The following KCNQ1 variants were observed in gnomAD, a reference collection of about 807,000 sequenced individuals.
KCNQ1 encodes potassium voltage-gated channel subfamily Q member 1, also known as potassium voltage-gated channel subfamily KQT member 1.
In KCNQ1, 49 loss-of-function variants were observed where a neutral mutation model predicts 72.4. That is an observed-to-expected ratio of 0.68 (90% confidence interval 0.54 to 0.86). KCNQ1 has a LOEUF of 0.86. Ranked by LOEUF, KCNQ1 falls within the 40% of genes least tolerant of loss-of-function variation. The pLI, the probability that KCNQ1 is intolerant of heterozygous loss-of-function variation, is 0.00. For synonymous variants in KCNQ1, 450 were observed against 412.6 expected, an observed-to-expected ratio of 1.09 and a Z score of -1.10; for missense variants, 790 against 945.1, an observed-to-expected ratio of 0.84 and a Z score of 2.15.
Position 2,813,356 on chromosome 11 carries a change from T to G in KCNQ1, c.1795-34411T>G, listed in dbSNP as rs1847532166. Among the ~76,000 whole-genome samples the G allele has an allele frequency of 6.6e-6, 1 of 152,190 alleles. No homozygotes were observed. The highest frequency in any genetic ancestry group is 1.5e-5 in the Non-Finnish European group (1 of 68,044). ...CTCATGCACCTCCATTCAGGGAACC[T>G]GGGCTCCCCACTCTCACAGGGGTGG... On this transcript the variant is annotated intron_variant, in intron 15 of 15. Transcript: ENST00000155840. This position sits in a 1 kb window ranked among gnomAD's most constrained non-coding sequence, Gnocchi z 4.4.
intron 6 of KCNQ1, among the ~76,000 whole-genome samples, chr11:2,577,028 G>A (rs1848432818): frequency 6.6e-6 from 1 of 152,220 alleles, no homozygotes; most frequent in South Asian, 2.1e-4. Context: ...GTCTCCCAGG[G>A]CCAATGCAGG....
In KCNQ1 at chr11:2,826,413, G is replaced by A. The variant is rs947064737; in HGVS notation, c.1795-21354G>A. Among the ~76,000 whole-genome samples, 10 of 152,244 alleles carry A rather than the reference G, an allele frequency of 6.6e-5. No individual in the cohort carries two copies. Among genetic ancestry groups the A allele is most frequent in the East Asian group, 1.9e-4 (1 of 5,196 alleles). On this transcript the variant is annotated intron_variant, in intron 15 of 15. Coordinates refer to ENST00000155840, the MANE Select transcript of KCNQ1 (RefSeq NM_000218.3). The surrounding 1 kb of genome is among the most constrained non-coding windows in gnomAD (Gnocchi z 4.2). ...GAACCCGCGGCCAGGCCCAGCAGCC[G>A]CCTCTTGGCAGCGCTGATGGAAACC...
rs1396177998 is a variant in KCNQ1, at chr11:2,508,487, C to T, written c.387-19441C>T. Among the ~76,000 whole-genome samples the T allele has an allele frequency of 6.6e-6, 1 of 151,938 alleles. No homozygotes were observed. The highest frequency in any genetic ancestry group is 2.4e-5 in the African/African-American group (1 of 41,378). On this transcript the variant is annotated intron_variant, in intron 1 of 15. Transcript: ENST00000155840. This position sits in a 1 kb window ranked among gnomAD's most constrained non-coding sequence, Gnocchi z 6.2. ...GGAGTGTGGGTCCTGAGTGGAGTGT[C>T]CCATCTGTCATGCAGAGAGGGTGAT...
intron 1 of KCNQ1, among the ~76,000 whole-genome samples, chr11:2,527,090 G>A (rs565847018): frequency 5.3e-5 from 8 of 152,306 alleles, no homozygotes; most frequent in Non-Finnish European, 7.4e-5. Context: ...TTATGGTTCC[G>A]GCGATCAGAG....
At chr11:2,811,102 G>A (rs939573914) in intron 15 of KCNQ1, among the ~76,000 whole-genome samples, 4 of 152,176 alleles carry the variant, frequency 2.6e-5, no homozygotes, top group Non-Finnish European at 4.4e-5. Flanking sequence ...GGACCCTAGC[G>A]TCCCTTCACC....
chr11:2,692,387 C>T lies in KCNQ1; in HGVS notation c.1514+30306C>T, dbSNP rs2283192. ...ACTGGCATTCTCACATCCCCTGCCC[C>T]ATTCCAATCAATTATCTACTCAGTG... On this transcript the variant is annotated intron_variant, in intron 11 of 15. Coordinates refer to ENST00000155840, the MANE Select transcript of KCNQ1 (RefSeq NM_000218.3). The T allele has an allele frequency of 1.8e-3, 702 of 398,844 alleles. 12 individuals carry two copies. In the East Asian group the frequency reaches 0.024, roughly 14 times the overall value. The allele number at this position is 398,844 out of a possible 1,614,324, so 24.7% of individuals were successfully genotyped here.
rs1590000352 is a variant in KCNQ1, at chr11:2,642,931, C to T, written c.1394-19030C>T. 1 of 397,926 alleles carries T rather than the reference C, an allele frequency of 2.5e-6. No individual in the cohort carries two copies. Among genetic ancestry groups the T allele is most frequent in the Non-Finnish European group, 4.4e-6 (1 of 225,680 alleles). 24.6% of individuals were successfully genotyped at this position (397,926 alleles called of 1,614,324 possible). A position where few individuals can be genotyped will look rare whatever the true frequency, so the allele number is the denominator to read the frequency against. Reference sequence around the variant, plus strand: ...TTTCTTCTTTGACCCATTGGTCATTCAGGAACATGTTAATTTCCATTTATT... The same window carrying T: ...TTTCTTCTTTGACCCATTGGTCATTTAGGAACATGTTAATTTCCATTTATT... On this transcript the variant is annotated intron_variant, in intron 10 of 15. Coordinates refer to ENST00000155840, the MANE Select transcript of KCNQ1 (RefSeq NM_000218.3). The surrounding 1 kb of genome is among the most constrained non-coding windows in gnomAD (Gnocchi z 4.3).
chr11:2,607,181 G>A (rs1235563080), intron 10 of KCNQ1, among the ~76,000 whole-genome samples: 1 of 152,092 alleles, frequency 6.6e-6, no homozygotes, highest in Non-Finnish European at 1.5e-5. Flanking sequence ...GGGATTACAG[G>A]TGTGAACCAC....
rs1177011407 is a variant in KCNQ1, at chr11:2,471,163, G to T, written c.386+25679G>T. On this transcript the variant is annotated intron_variant, in intron 1 of 15. Coordinates refer to ENST00000155840, the MANE Select transcript of KCNQ1 (RefSeq NM_000218.3). The surrounding 1 kb of genome is among the most constrained non-coding windows in gnomAD (Gnocchi z 4.8). ...ATCTCCCAACGGCTGGGGAACAAGG[G>T]CTGACTCGGCTGCAATCATCCTGCA... 2.6e-5 allele frequency among the ~76,000 whole-genome samples: 4 copies of T among 151,982 alleles called. No individual in the cohort carries two copies. Among genetic ancestry groups the T allele is most frequent in the Admixed American group, 2.6e-4 (4 of 15,242 alleles).
At position 2,544,293 on chromosome 11, in the gene KCNQ1, T is replaced by TAC. The variant is rs796223106; in HGVS notation, c.477+16275_477+16276insAC. Among the ~76,000 whole-genome samples the TAC allele has an allele frequency of 7.3e-6, 1 of 136,540 alleles. No homozygotes were observed. The highest frequency in any genetic ancestry group is 3.2e-5 in the African/African-American group (1 of 31,662). The allele number at this position is 136,540 out of a possible 152,430, so 89.6% of individuals were successfully genotyped here. A position where few individuals can be genotyped will look rare whatever the true frequency, so the allele number is the denominator to read the frequency against. On this transcript the variant is annotated intron_variant, in intron 2 of 15. Coordinates refer to ENST00000155840, the MANE Select transcript of KCNQ1 (RefSeq NM_000218.3). This position sits in a 1 kb window ranked among gnomAD's most constrained non-coding sequence, Gnocchi z 4.4. ...GTGTATATATATGTGTATATATATA[T>TAC]GTATATATGTGTATATATGTATATA...
rs1229341008 is a variant in KCNQ1, at chr11:2,827,646, G to C, written c.1795-20121G>C. The stretch of plus-strand genomic sequence containing the variant: ...TTAAAAAAAAAAAGTGGGGTCGGGG[G>C]GGCGGGGGAGAGCGGCTATGGAGAC... On this transcript the variant is annotated intron_variant, in intron 15 of 15. Transcript: ENST00000155840. The surrounding 1 kb of genome is among the most constrained non-coding windows in gnomAD (Gnocchi z 6.7). 1.3e-5 allele frequency among the ~76,000 whole-genome samples: 2 copies of C among 151,854 alleles called. No homozygotes were observed. Among genetic ancestry groups the C allele is most frequent in the African/African-American group, 4.8e-5 (2 of 41,318 alleles).
Position 2,452,479 on chromosome 11 carries a change from G to T in KCNQ1, c.386+6995G>T, listed in dbSNP as rs532312450. ...GCAGAAGGAGCTCTGACTGAGAGGG[G>T]TAGACCCCTCCCAGAGGCATCCCCA... On this transcript the variant is annotated intron_variant, in intron 1 of 15. Coordinates refer to ENST00000155840, the MANE Select transcript of KCNQ1 (RefSeq NM_000218.3). Among the ~76,000 whole-genome samples the T allele has an allele frequency of 1.2e-4, 18 of 152,214 alleles. 1 individual carries two copies. The South Asian group carries it at 3.7e-3, about 32-fold the overall frequency.
chr11:2,652,866 T>C lies in KCNQ1; in HGVS notation c.1394-9095T>C. 1 of 398,710 alleles carries C rather than the reference T, an allele frequency of 2.5e-6. No individual in the cohort carries two copies. The highest frequency in any genetic ancestry group is 4.4e-6 in the Non-Finnish European group (1 of 226,138). The allele number at this position is 398,710 out of a possible 1,614,324, so 24.7% of individuals were successfully genotyped here. On this transcript the variant is annotated intron_variant, in intron 10 of 15. Coordinates refer to ENST00000155840, the MANE Select transcript of KCNQ1 (RefSeq NM_000218.3). This position sits in a 1 kb window ranked among gnomAD's most constrained non-coding sequence, Gnocchi z 5.9. ...ATGCTGAGGCTTGCTATACTTATTC[T>C]AAGGAGAAGTGTTTGGGGTGTGGGG...
At position 2,723,766 on chromosome 11, in the gene KCNQ1, C is replaced by T. The variant is rs1211994892; in HGVS notation, c.1515-45078C>T. 6.6e-6 allele frequency among the ~76,000 whole-genome samples: 1 copy of T among 152,168 alleles called. No individual in the cohort carries two copies. The highest frequency in any genetic ancestry group is 6.5e-5 in the Admixed American group (1 of 15,278). On this transcript the variant is annotated intron_variant, in intron 11 of 15. Transcript: ENST00000155840. This position sits in a 1 kb window ranked among gnomAD's most constrained non-coding sequence, Gnocchi z 4.2. Reference sequence around the variant, plus strand: ...TACTAGCTAGTGGGGCCTCACTAACCGCTGGTGGCCGCAGGGTTCCCAGCC... The same window carrying T: ...TACTAGCTAGTGGGGCCTCACTAACTGCTGGTGGCCGCAGGGTTCCCAGCC...
Position 2,769,562 on chromosome 11 carries a change from T to C in KCNQ1, c.1590+643T>C, listed in dbSNP as rs910552447. ...AGTCCATGCCCCGCAGAGAATGCCA[T>C]TGATGGCAGGCATGTCTCCCCTCCT... is the stretch of plus-strand genomic sequence containing the variant. On this transcript the variant is annotated intron_variant, in intron 12 of 15. Coordinates refer to ENST00000155840, the MANE Select transcript of KCNQ1 (RefSeq NM_000218.3). The surrounding 1 kb of genome is among the most constrained non-coding windows in gnomAD (Gnocchi z 4.6). 5.3e-5 allele frequency among the ~76,000 whole-genome samples: 8 copies of C among 152,272 alleles called. No individual in the cohort carries two copies. Among genetic ancestry groups the C allele is most frequent in the African/African-American group, 1.2e-4 (5 of 41,562 alleles).
chr11:2,774,519 A>G (rs1373048151), intron 12 of KCNQ1, among the ~76,000 whole-genome samples: 1 of 152,024 alleles, frequency 6.6e-6, no homozygotes, highest in Non-Finnish European at 1.5e-5. Context: ...TGGAAGAGGA[A>G]CCCCCTGAAC....
Position 2,486,991 on chromosome 11 carries a change from A to T in KCNQ1, c.387-40937A>T, listed in dbSNP as rs537863398. On this transcript the variant is annotated intron_variant, in intron 1 of 15. Coordinates refer to ENST00000155840, the MANE Select transcript of KCNQ1 (RefSeq NM_000218.3). The surrounding 1 kb of genome is among the most constrained non-coding windows in gnomAD (Gnocchi z 5.0). ...AGCTTTTGCCCTATGTTTTCTTCTA[A>T]GATTTTTATAGTTTTACGTTGCACA... Among the ~76,000 whole-genome samples, 8 of 152,318 alleles carry T rather than the reference A, an allele frequency of 5.3e-5. No homozygotes were observed. The South Asian group carries it at 1.7e-3, about 32-fold the overall frequency.
rs1484924448 is a variant in KCNQ1, at chr11:2,768,409, G to A, written c.1515-435G>A. ...TTTCCCAAGCGCTTGCTGTTTGTGG[G>A]GCTACAGGACACAGCAGCTGAAAGG... is the stretch of plus-strand genomic sequence containing the variant. On this transcript the variant is annotated intron_variant, in intron 11 of 15. Coordinates refer to ENST00000155840, the MANE Select transcript of KCNQ1 (RefSeq NM_000218.3). The surrounding 1 kb of genome is among the most constrained non-coding windows in gnomAD (Gnocchi z 6.7). Among the ~76,000 whole-genome samples the A allele has an allele frequency of 6.6e-6, 1 of 152,126 alleles. No homozygotes were observed. The highest frequency in any genetic ancestry group is 2.1e-4 in the South Asian group (1 of 4,830).
At chr11:2,780,986 G>A (rs1292552729) in intron 15 of KCNQ1, among the ~76,000 whole-genome samples, 1 of 152,108 alleles carries the variant, frequency 6.6e-6, no homozygotes, top group African/African-American at 2.4e-5. Context: ...CTTAGGTTCT[G>A]CCTCACTCCA....
Sources: allele counts gnomAD v4.1 joint callset (sites outside exome capture counted in the v4.1 genomes callset), GRCh38; gene constraint gnomAD v4.1.1; non-coding constraint Gnocchi (gnomAD v3.1); transcripts MANE v1.5; gene names NCBI Gene and HGNC (gene_info 2026-07-23, HGNC 2026-07-21).